CMTM7: variants seen among roughly 807,000 people sequenced by gnomAD.
CMTM7 encodes the protein CKLF-like MARVEL transmembrane domain-containing protein 7.
In CMTM7, 7 loss-of-function variants were observed where a neutral mutation model predicts 19.3. That is an observed-to-expected ratio of 0.36 (90% CI 0.21 to 0.68). The LOEUF (loss-of-function observed/expected upper bound fraction) is 0.68. Ranked by LOEUF, CMTM7 falls within the 30% of genes least tolerant of loss-of-function variation. CMTM7 has a pLI of 0.60. For missense variants in CMTM7, 193 were observed against 232.6 expected, an observed-to-expected ratio of 0.83 and a Z score of 1.11; for synonymous variants, 87 against 99.3, an observed-to-expected ratio of 0.88 and a Z score of 0.74.
At chr3:32,454,154 C>T in intron 4 of CMTM7, 87 bp from the exon 5 acceptor site, 1 of 1,416,970 alleles carries the variant, frequency 7.1e-7, no homozygotes, top group Non-Finnish European at 9.6e-7. Context: ...CCCCCCTGAG[C>T]AGAACTTGGA....
chr3:32,414,105 C>T (rs1264063924), intron 1 of CMTM7, among the ~76,000 whole-genome samples: 3 of 152,106 alleles, frequency 2.0e-5, no homozygotes, highest in Non-Finnish European at 4.4e-5. Context: ...TGCTCAAATC[C>T]TCCCTCCACC....
chr3:32,409,698 G>A (rs1696143705), intron 1 of CMTM7, among the ~76,000 whole-genome samples: 1 of 152,188 alleles, frequency 6.6e-6, no homozygotes, highest in South Asian at 2.1e-4. Flanking sequence ...AGTCAGTTTG[G>A]TGGGACCCTC....
chr3:32,399,452 G>T (rs1400821755), intron 1 of CMTM7, among the ~76,000 whole-genome samples: 1 of 152,152 alleles, frequency 6.6e-6, no homozygotes, highest in Non-Finnish European at 1.5e-5. Flanking sequence ...GTGCTGGGGG[G>T]AGTACACTAA....
At chr3:32,410,022 G>A (rs781670986) in intron 1 of CMTM7, among the ~76,000 whole-genome samples, 3 of 152,198 alleles carry the variant, frequency 2.0e-5, no homozygotes, top group East Asian at 1.9e-4. Flanking sequence ...CTTATTTTGC[G>A]TATTTTATAG....
rs139842319 is a variant in CMTM7, at chr3:32,421,973, G to A, written c.160-19867G>A. Among the ~76,000 whole-genome samples the A allele has an allele frequency of 3.2e-3, 480 of 152,268 alleles. 5 individuals are homozygous for A. Among genetic ancestry groups the A allele is most frequent in the African/African-American group, 0.011 (464 of 41,550 alleles). On this transcript the variant is annotated intron_variant, in intron 1 of 4. Coordinates refer to ENST00000334983, the MANE Select transcript of CMTM7 (RefSeq NM_138410.4). Reference sequence around the variant, plus strand: ...AAAGATGAGGAAACTGAGGCCCAACGGGGTGAACTAGCCCCTACTGTCTGT... The same window carrying A: ...AAAGATGAGGAAACTGAGGCCCAACAGGGTGAACTAGCCCCTACTGTCTGT...
Position 32,391,879 on chromosome 3 carries a change from G to A in CMTM7, c.-28G>A, listed in dbSNP as rs1270411421. The A allele has an allele frequency of 8.3e-6, 10 of 1,207,118 alleles. No individual in the cohort carries two copies. The highest frequency in any genetic ancestry group is 1.0e-5 in the Non-Finnish European group (10 of 971,624). The allele number at this position is 1,207,118 out of a possible 1,614,324, so 74.8% of individuals were successfully genotyped here. ...TCTGGCCCCTGGGCAGCTGCCCGGG[G>A]AGGCGGCCAGCGAGCTGGGGCCGCG... On this transcript the variant is annotated 5_prime_UTR_variant, in exon 1 of 5. Coordinates refer to ENST00000334983, the MANE Select transcript of CMTM7 (RefSeq NM_138410.4).
At chr3:32,427,599 TATAA>T (rs1254825872) in intron 1 of CMTM7, among the ~76,000 whole-genome samples, 1 of 152,230 alleles carries the variant, frequency 6.6e-6, no homozygotes, top group Non-Finnish European at 1.5e-5. Flanking sequence ...ACTAGCCCAT[TATAA>T]AGGCTTAGTA....
intron 1 of CMTM7, among the ~76,000 whole-genome samples, chr3:32,439,610 C>T (rs946517712): frequency 6.6e-5 from 10 of 152,184 alleles, no homozygotes; most frequent in African/African-American, 1.9e-4. Flanking sequence ...CATGCCACCA[C>T]GCCCAGCTAG....
chr3:32,406,686 A>C (rs1292281857), intron 1 of CMTM7, among the ~76,000 whole-genome samples: 1 of 152,184 alleles, frequency 6.6e-6, no homozygotes, highest in Non-Finnish European at 1.5e-5. Context: ...AGCTTCCCTA[A>C]AAGCAGAACT....
chr3:32,402,806 G>A (rs535189152), intron 1 of CMTM7, among the ~76,000 whole-genome samples: 9 of 151,688 alleles, frequency 5.9e-5, no homozygotes, highest in East Asian at 4.0e-4. Flanking sequence ...CTTGTGTTCC[G>A]CCCACCTTGG....
intron 1 of CMTM7, among the ~76,000 whole-genome samples, chr3:32,411,946 C>T (rs150784929): frequency 2.5e-3 from 375 of 152,122 alleles, no homozygotes; most frequent in African/African-American, 8.8e-3. Flanking sequence ...GGAAGGGTGT[C>T]CTGGAGAAGA....
intron 1 of CMTM7, among the ~76,000 whole-genome samples, chr3:32,426,140 C>A (rs983324614): frequency 6.6e-6 from 1 of 151,940 alleles, no homozygotes; most frequent in East Asian, 1.9e-4. Flanking sequence ...AGTGAAACTC[C>A]GTCTCAAAAA....
At chr3:32,404,150 T>TC (rs774911711) in intron 1 of CMTM7, among the ~76,000 whole-genome samples, 2,844 of 58,928 alleles carry the variant, frequency 0.048, 349 homozygotes, top group African/African-American at 0.1. Context: ...TTCTTTTTTT[T>TC]TCTTTTTTTT....
At chr3:32,403,193 T>C (rs921092065) in intron 1 of CMTM7, among the ~76,000 whole-genome samples, 10 of 152,200 alleles carry the variant, frequency 6.6e-5, no homozygotes, top group African/African-American at 2.4e-4. Context: ...GTTTATGTTT[T>C]GTTTTGTTTT....
At chr3:32,395,582 G>A (rs1400869198) in intron 1 of CMTM7, among the ~76,000 whole-genome samples, 1 of 152,170 alleles carries the variant, frequency 6.6e-6, no homozygotes, top group Non-Finnish European at 1.5e-5. Context: ...GGATATAAAA[G>A]CCACAGTGAG....
chr3:32,421,429 C>T (rs1285163179), intron 1 of CMTM7, among the ~76,000 whole-genome samples: 2 of 152,160 alleles, frequency 1.3e-5, no homozygotes, highest in East Asian at 3.9e-4. Flanking sequence ...TGCTTTCCCA[C>T]CCCTATGCCT....
intron 2 of CMTM7, among the ~76,000 whole-genome samples, chr3:32,442,953 A>C (rs1696703304): frequency 6.6e-6 from 1 of 152,160 alleles, no homozygotes; most frequent in African/African-American, 2.4e-5. Context: ...GTCCTAAGCA[A>C]TCACTAATCT....
chr3:32,399,940 A>G (rs956109909), intron 1 of CMTM7, among the ~76,000 whole-genome samples: 5 of 152,258 alleles, frequency 3.3e-5, no homozygotes, highest in African/African-American at 1.2e-4. Flanking sequence ...AGAAGAAAAT[A>G]GACTCACCCA....
chr3:32,408,706 A>G (rs1696125599), intron 1 of CMTM7, among the ~76,000 whole-genome samples: 1 of 152,190 alleles, frequency 6.6e-6, no homozygotes, highest in Non-Finnish European at 1.5e-5. Flanking sequence ...TCAGAATGCC[A>G]AATAAATCTT....
Sources: gnomAD v4.1 joint callset for allele counts (sites outside exome capture counted in the v4.1 genomes callset) on GRCh38, gnomAD v4.1.1 for gene constraint, MANE v1.5 for transcripts, NCBI Gene and HGNC (gene_info 2026-07-23, HGNC 2026-07-21) for gene names.